The following GALNTL6 variants were observed in gnomAD, a reference collection of about 807,000 sequenced individuals.
GALNTL6 encodes polypeptide N-acetylgalactosaminyltransferase like 6.
GALNTL6 carries 46 observed loss-of-function variants against 73.7 expected under a neutral mutation model. That is an observed-to-expected ratio of 0.62 (90% CI 0.49 to 0.80). The LOEUF is 0.80. Ranked by LOEUF, GALNTL6 falls within the 30% of genes least tolerant of loss-of-function variation. The pLI, the probability that GALNTL6 is intolerant of heterozygous loss-of-function variation, is 0.00. For missense variants in GALNTL6, 604 were observed against 755.0 expected (o/e 0.80, Z 2.34); for synonymous variants, 259 against 263.7 (o/e 0.98, Z 0.17).
chr4:172,011,395 G>A (rs1014866346), intron 2 of GALNTL6, among the ~76,000 whole-genome samples: 60 of 152,122 alleles, frequency 3.9e-4, no homozygotes, highest in Middle Eastern at 3.4e-3. Context: ...AAGAGAGTGT[G>A]GGTGTGTCCT....
chr4:172,828,358 C>T (rs1742393803), intron 7 of GALNTL6, among the ~76,000 whole-genome samples: 1 of 151,914 alleles, frequency 6.6e-6, no homozygotes, highest in Non-Finnish European at 1.5e-5. Context: ...CAATTGCTTT[C>T]CCTGCACCCC....
At chr4:172,852,282 G>A (rs1331598129) in intron 7 of GALNTL6, among the ~76,000 whole-genome samples, 1 of 152,092 alleles carries the variant, frequency 6.6e-6, no homozygotes, top group Non-Finnish European at 1.5e-5. Context: ...TGAGTCCCAG[G>A]TTCCTTCCAT....
At chr4:172,933,716 C>T (rs1333671236) in intron 9 of GALNTL6, among the ~76,000 whole-genome samples, 1 of 152,146 alleles carries the variant, frequency 6.6e-6, no homozygotes, top group Non-Finnish European at 1.5e-5. Context: ...TACCTCGCTA[C>T]ATGCTACATT....
chr4:171,933,239 T>C (rs1253387252), intron 2 of GALNTL6, among the ~76,000 whole-genome samples: 1 of 152,200 alleles, frequency 6.6e-6, no homozygotes, highest in Non-Finnish European at 1.5e-5. Flanking sequence ...TTTAAATCAG[T>C]CCCTCTCTTA....
intron 4 of GALNTL6, among the ~76,000 whole-genome samples, chr4:172,336,278 T>TTTTTTG (rs1561032356): frequency 7.3e-6 from 1 of 136,440 alleles, no homozygotes; most frequent in Non-Finnish European, 1.6e-5. Flanking sequence ...TTGTTTTGTT[T>TTTTTTG]TTTTTTTTTT....
intron 5 of GALNTL6, among the ~76,000 whole-genome samples, chr4:172,756,791 A>T (rs924026224): frequency 6.6e-6 from 1 of 152,220 alleles, no homozygotes; most frequent in Non-Finnish European, 1.5e-5. Context: ...GAACTAAAAT[A>T]TAAGGTTGAC....
At position 172,745,446 on chromosome 4, in the gene GALNTL6, T is replaced by TACACAC. The variant is rs138374033; in HGVS notation, c.554-63910_554-63909insCACACA. On this transcript the variant is annotated intron_variant, in intron 5 of 12. Coordinates refer to ENST00000506823, the MANE Select transcript of GALNTL6 (RefSeq NM_001034845.3). ...TTTTCAAAACATATATATATATATG[T>TACACAC]ACACATAACTTTTATAATTAGAAAA... Among the ~76,000 whole-genome samples the TACACAC allele has an allele frequency of 1.7e-3, 249 of 145,316 alleles. 5 individuals are homozygous for TACACAC. Among genetic ancestry groups the TACACAC allele is most frequent in the African/African-American group, 6.3e-3 (239 of 38,094 alleles).
chr4:173,013,424 T>C (rs916275327), intron 11 of GALNTL6, among the ~76,000 whole-genome samples: 10 of 152,288 alleles, frequency 6.6e-5, no homozygotes, highest in African/African-American at 2.2e-4. Flanking sequence ...TTAGTATTTC[T>C]ATCCAGTAAT....
At chr4:172,468,545 A>G (rs928216420) in intron 5 of GALNTL6, among the ~76,000 whole-genome samples, 1 of 152,224 alleles carries the variant, frequency 6.6e-6, no homozygotes, top group African/African-American at 2.4e-5. Flanking sequence ...GGTTATATAT[A>G]TAATTATTAG....
chr4:172,078,683 G>T (rs1328110772), intron 2 of GALNTL6, among the ~76,000 whole-genome samples: 1 of 152,096 alleles, frequency 6.6e-6, no homozygotes, highest in African/African-American at 2.4e-5. Context: ...TTTTAATATG[G>T]CGCTGTCTTG....
At chr4:172,203,092 A>G (rs1042166355) in intron 2 of GALNTL6, among the ~76,000 whole-genome samples, 1 of 152,310 alleles carries the variant, frequency 6.6e-6, no homozygotes, top group African/African-American at 2.4e-5. Context: ...GCTAAATAAA[A>G]ATAGGCAGTG....
intron 6 of GALNTL6, 75 bp from the exon 7 acceptor site, chr4:172,813,465 G>A (rs1219109609): frequency 7.8e-7 from 1 of 1,276,018 alleles, no homozygotes; most frequent in Non-Finnish European, 1.1e-6. Flanking sequence ...GAGGACTGTA[G>A]GCTTCTCTTT....
intron 5 of GALNTL6, among the ~76,000 whole-genome samples, chr4:172,517,455 C>T (rs559974713): frequency 2.0e-5 from 3 of 151,972 alleles, no homozygotes; most frequent in Non-Finnish European, 4.4e-5. Flanking sequence ...AGGTGGAGGT[C>T]GTATACTGAT....
intron 7 of GALNTL6, among the ~76,000 whole-genome samples, chr4:172,878,404 G>A (rs1395593291): frequency 1.3e-5 from 2 of 151,562 alleles, no homozygotes; most frequent in Non-Finnish European, 1.5e-5. Context: ...AAGTTAATTG[G>A]CCAATTAAAC....
intron 2 of GALNTL6, among the ~76,000 whole-genome samples, chr4:171,845,050 C>A (rs10029798): frequency 0.095 from 14,465 of 152,194 alleles, 969 homozygotes; most frequent in African/African-American, 0.2. Context: ...GTTGAAATTA[C>A]TTACTGACAC....
At chr4:172,332,289 A>G (rs1003787718) in intron 4 of GALNTL6, among the ~76,000 whole-genome samples, 1 of 152,118 alleles carries the variant, frequency 6.6e-6, no homozygotes, top group African/African-American at 2.4e-5. Context: ...CTACATATAT[A>G]TAAGGCATAA....
intron 5 of GALNTL6, among the ~76,000 whole-genome samples, chr4:172,540,243 G>T (rs1214571312): frequency 6.6e-6 from 1 of 151,652 alleles, no homozygotes; most frequent in Non-Finnish European, 1.5e-5. Context: ...TAGACACGGG[G>T]TTTCACCATT....
chr4:172,296,632 G>A (rs1257216227), intron 3 of GALNTL6, among the ~76,000 whole-genome samples: 18 of 152,038 alleles, frequency 1.2e-4, no homozygotes, highest in South Asian at 2.1e-4. Flanking sequence ...TTGTCCTTGC[G>A]ATAGTTTGCT....
intron 5 of GALNTL6, among the ~76,000 whole-genome samples, chr4:172,390,240 A>G (rs910830353): frequency 1.3e-5 from 2 of 152,158 alleles, no homozygotes; most frequent in East Asian, 1.9e-4. Context: ...TATGTTTGCA[A>G]TTGATGCTTT....
Sources: allele counts gnomAD v4.1 joint callset (sites outside exome capture counted in the v4.1 genomes callset), GRCh38; gene constraint gnomAD v4.1.1; transcripts MANE v1.5; gene names NCBI Gene and HGNC (gene_info 2026-07-23, HGNC 2026-07-21).